EXOC4: variants seen among roughly 807,000 people sequenced by gnomAD.
The protein encoded by EXOC4 is exocyst complex component 4.
In EXOC4, 71 loss-of-function variants were observed where a neutral mutation model predicts 107.2. That is an observed-to-expected ratio of 0.66 (90% CI 0.55 to 0.81). EXOC4 has a LOEUF of 0.81. Ranked by LOEUF, EXOC4 falls within the 30% of genes least tolerant of loss-of-function variation. The pLI is 0.00. For synonymous variants in EXOC4, 456 were observed against 441.2 expected (o/e 1.03, Z -0.42); for missense variants, 1,108 against 1,189.6 (o/e 0.93, Z 1.01).
chr7:133,956,167 A>G (rs1800814513), intron 14 of EXOC4, among the ~76,000 whole-genome samples: 1 of 148,730 alleles, frequency 6.7e-6, no homozygotes, highest in Non-Finnish European at 1.5e-5. Flanking sequence ...CAGTAGTACC[A>G]TTGCTTTTTA....
intron 17 of EXOC4, among the ~76,000 whole-genome samples, chr7:134,026,277 C>T (rs866873495): frequency 7.3e-5 from 11 of 151,348 alleles, no homozygotes; most frequent in African/African-American, 2.7e-4. Flanking sequence ...AAGTAGTAGC[C>T]CAGACTTATA....
intron 10 of EXOC4, among the ~76,000 whole-genome samples, chr7:133,725,202 T>A (rs781123138): frequency 1.6e-4 from 24 of 152,270 alleles, no homozygotes; most frequent in Non-Finnish European, 2.9e-4. Context: ...ATGGCTAGCG[T>A]ATTGGTCAGA....
intron 10 of EXOC4, among the ~76,000 whole-genome samples, chr7:133,795,605 G>C (rs878972486): frequency 2.0e-5 from 3 of 152,154 alleles, no homozygotes; most frequent in Admixed American, 2.0e-4. Context: ...TCACAGTCCA[G>C]ATTCTTTCTG....
chr7:134,060,840 C>T (rs183797017), intron 17 of EXOC4, among the ~76,000 whole-genome samples: 7 of 152,266 alleles, frequency 4.6e-5, no homozygotes, highest in Admixed American at 4.6e-4. Context: ...AATATATCAG[C>T]ATGGTTATGG....
intron 10 of EXOC4, among the ~76,000 whole-genome samples, chr7:133,651,715 T>G (rs969728215): frequency 4.6e-5 from 7 of 152,160 alleles, no homozygotes; most frequent in Non-Finnish European, 8.8e-5. Context: ...GATGGAGTCT[T>G]GCTCTGTCGC....
intron 7 of EXOC4, among the ~76,000 whole-genome samples, chr7:133,395,184 A>G (rs999616251): frequency 1.3e-5 from 2 of 151,642 alleles, no homozygotes; most frequent in African/African-American, 4.8e-5. Flanking sequence ...GGGTAAATGC[A>G]ACTTCCTGAT....
intron 3 of EXOC4, among the ~76,000 whole-genome samples, chr7:133,296,887 C>A (rs1165673439): frequency 2.6e-5 from 4 of 152,018 alleles, no homozygotes; most frequent in Non-Finnish European, 5.9e-5. Context: ...ACATCCCAGA[C>A]CGGTTAAATA....
chr7:133,811,116 G>A (rs1345329214), intron 10 of EXOC4, among the ~76,000 whole-genome samples: 1 of 151,934 alleles, frequency 6.6e-6, no homozygotes, highest in East Asian at 1.9e-4. Context: ...TACTCTCATA[G>A]TCTCTTTTTC....
chr7:133,582,035 C>G (rs1455109439), intron 9 of EXOC4, among the ~76,000 whole-genome samples: 1 of 152,134 alleles, frequency 6.6e-6, no homozygotes, highest in Non-Finnish European at 1.5e-5. Context: ...ATTTAATCAC[C>G]CCCTACCAGG....
intron 10 of EXOC4, among the ~76,000 whole-genome samples, chr7:133,671,335 A>C (rs187003108): frequency 6.6e-6 from 1 of 152,148 alleles, no homozygotes; most frequent in African/African-American, 2.4e-5. Context: ...AGGCCGAGGC[A>C]GGTGGATCAC....
chr7:133,352,618 C>T (rs561549501), intron 5 of EXOC4, among the ~76,000 whole-genome samples: 1 of 152,060 alleles, frequency 6.6e-6, no homozygotes, highest in African/African-American at 2.4e-5. Context: ...TTTGGTTGGA[C>T]AGTTTAACCC....
chr7:133,438,078 C>T (rs959433270), intron 7 of EXOC4, among the ~76,000 whole-genome samples: 3 of 152,194 alleles, frequency 2.0e-5, no homozygotes, highest in Non-Finnish European at 4.4e-5. Context: ...TAACAAGATA[C>T]TTTTTCACTC....
chr7:133,689,749 A>T (rs909119564), intron 10 of EXOC4, among the ~76,000 whole-genome samples: 3 of 152,212 alleles, frequency 2.0e-5, no homozygotes, highest in African/African-American at 7.2e-5. Context: ...AAGGTCAGGG[A>T]CCTTCTCAGA....
At chr7:133,399,839 A>G (rs967937483) in intron 7 of EXOC4, among the ~76,000 whole-genome samples, 8 of 152,222 alleles carry the variant, frequency 5.3e-5, no homozygotes, top group Non-Finnish European at 7.3e-5. Context: ...GAAGATAGCT[A>G]TGTCTTGCAT....
chr7:133,709,000 C>T (rs1794827373), intron 10 of EXOC4, among the ~76,000 whole-genome samples: 1 of 152,128 alleles, frequency 6.6e-6, no homozygotes, highest in African/African-American at 2.4e-5. Context: ...TTTTTCAGAG[C>T]AGTTATTTTG....
At chr7:133,528,091 TA>T in intron 9 of EXOC4, among the ~76,000 whole-genome samples, 1 of 152,300 alleles carries the variant, frequency 6.6e-6, no homozygotes, top group South Asian at 2.1e-4. Flanking sequence ...ATAACCACTA[TA>T]TTGTCCATTT....
chr7:133,627,349 G>A (rs1802480833), intron 9 of EXOC4, among the ~76,000 whole-genome samples: 1 of 152,156 alleles, frequency 6.6e-6, no homozygotes, highest in African/African-American at 2.4e-5. Context: ...CTGGAGCCAG[G>A]TTAGTCAGGT....
chr7:133,808,925 T>C (rs1585162477), intron 10 of EXOC4, among the ~76,000 whole-genome samples: 1 of 152,154 alleles, frequency 6.6e-6, no homozygotes, highest in East Asian at 1.9e-4. Context: ...TGGGCCCATA[T>C]CTCTCCTGAA....
chr7:134,091,354 G>T, the EXOC4 span, among the ~76,000 whole-genome samples: 1 of 152,166 alleles, frequency 6.6e-6, no homozygotes, highest in Non-Finnish European at 1.5e-5. Flanking sequence ...CATTGCCATG[G>T]CATTTGTAAA....
Sources: gnomAD v4.1 joint callset for allele counts (sites outside exome capture counted in the v4.1 genomes callset) on GRCh38, gnomAD v4.1.1 for gene constraint, MANE v1.5 for transcripts, NCBI Gene and HGNC (gene_info 2026-07-23, HGNC 2026-07-21) for gene names.